CACNA1D: variants seen among roughly 807,000 people sequenced by gnomAD.
CACNA1D encodes the protein calcium voltage-gated channel subunit alpha1 D.
Under a neutral mutation model 257.1 loss-of-function variants are expected in CACNA1D, and 55 were observed. That is an observed-to-expected ratio of 0.21 (90% confidence interval 0.17 to 0.27). The LOEUF (loss-of-function observed/expected upper bound fraction) is 0.27. Ranked by LOEUF, CACNA1D falls within the 10% of genes least tolerant of loss-of-function variation. CACNA1D has a pLI of 1.00. For missense variants in CACNA1D, 1,876 were observed against 2,784.0 expected, an observed-to-expected ratio of 0.67 and a Z score of 7.34; for synonymous variants, 980 against 1,014.9, an observed-to-expected ratio of 0.97 and a Z score of 0.65.
chr3:53,795,009 C>T (rs2095501339), intron 40 of CACNA1D, among the ~76,000 whole-genome samples: 1 of 152,200 alleles, frequency 6.6e-6, no homozygotes, highest in Non-Finnish European at 1.5e-5. Flanking sequence ...TAACTGGAGC[C>T]CTTCTCCCCC....
Position 53,774,471 on chromosome 3 carries a change from A to G in CACNA1D, c.4111-116A>G, listed in dbSNP as rs79743964. On this transcript the variant is annotated intron_variant, in intron 33 of 47. Transcript: ENST00000350061. This position sits in a 1 kb window ranked among gnomAD's most constrained non-coding sequence, Gnocchi z 4.3. Reference sequence around the variant, plus strand: ...TTTTTGAATGAGTGAAGTGCCAGGTACCATGAGAAAACCCTAGCTGGTAAA... The same window carrying G: ...TTTTTGAATGAGTGAAGTGCCAGGTGCCATGAGAAAACCCTAGCTGGTAAA... 1.4e-3 allele frequency: 1,040 copies of G among 725,118 alleles called. 7 individuals are homozygous for G. Among genetic ancestry groups the G allele is most frequent in the African/African-American group, 0.013 (787 of 58,652 alleles). The allele number at this position is 725,118 out of a possible 1,614,324, so 44.9% of individuals were successfully genotyped here.
intron 40 of CACNA1D, among the ~76,000 whole-genome samples, chr3:53,798,316 TGTGTGTGTGTGCGTGTGTGTGC>T (rs1015875045): frequency 6.8e-6 from 1 of 147,912 alleles, no homozygotes; most frequent in Non-Finnish European, 1.5e-5. Context: ...TGCGTGTGTG[TGTGTGTGTGTGCGTGTGTGTGC>T]GTGTGTGTGT....
intron 9 of CACNA1D, among the ~76,000 whole-genome samples, chr3:53,708,157 A>G (rs2094711875): frequency 6.6e-6 from 1 of 152,236 alleles, no homozygotes; most frequent in Non-Finnish European, 1.5e-5. Flanking sequence ...ACAGAAAACC[A>G]GGACGTTATA....
At chr3:53,565,195 A>G (rs762620172) in intron 3 of CACNA1D, among the ~76,000 whole-genome samples, 14 of 152,148 alleles carry the variant, frequency 9.2e-5, no homozygotes, top group Non-Finnish European at 1.3e-4. Flanking sequence ...ACTGTACTGT[A>G]TTAATTAGTA....
At chr3:53,785,158 A>G (rs2095446160) in intron 39 of CACNA1D, among the ~76,000 whole-genome samples, 1 of 152,208 alleles carries the variant, frequency 6.6e-6, no homozygotes, top group South Asian at 2.1e-4. Context: ...TGGAGAGTAC[A>G]GCGAGGGGTG....
chr3:53,552,697 C>T (rs1335489056), intron 3 of CACNA1D, among the ~76,000 whole-genome samples: 1 of 152,154 alleles, frequency 6.6e-6, no homozygotes, highest in Non-Finnish European at 1.5e-5. Context: ...CTGGTATCTT[C>T]TTTCTTTCTC....
chr3:53,662,144 G>GT (rs1559482399), intron 5 of CACNA1D, among the ~76,000 whole-genome samples: 1 of 152,174 alleles, frequency 6.6e-6, no homozygotes, highest in Admixed American at 6.5e-5. Flanking sequence ...TCTTGGAATT[G>GT]TTTAGTCCCT....
chr3:53,535,986 A>G (rs528149187), intron 3 of CACNA1D, among the ~76,000 whole-genome samples: 1 of 152,324 alleles, frequency 6.6e-6, no homozygotes, highest in South Asian at 2.1e-4. Flanking sequence ...TTCAGTAGAT[A>G]TTAGTGACAG....
chr3:53,743,478 A>G (rs552789283), intron 22 of CACNA1D, among the ~76,000 whole-genome samples: 1 of 152,184 alleles, frequency 6.6e-6, no homozygotes, highest in Non-Finnish European at 1.5e-5. Flanking sequence ...TGCCCCTTTT[A>G]TATAGGAGGG....
At chr3:53,606,038 CAA>C (rs1410691725) in intron 3 of CACNA1D, among the ~76,000 whole-genome samples, 1 of 152,144 alleles carries the variant, frequency 6.6e-6, no homozygotes, top group African/African-American at 2.4e-5. Context: ...GCCCAGGAGG[CAA>C]AGACTAGGAA....
rs6765107 is a variant in CACNA1D at position 53,802,438 on chromosome 3, G to A, written c.5435+265G>A. ...CCATGGGCTGGCTCCTGCAGGCCTC[G>A]CGATGGCACTAGGAGCATCCATTGT... is the stretch of plus-strand genomic sequence containing the variant. On this transcript the variant is annotated intron_variant, in intron 43 of 47. Coordinates refer to ENST00000350061, the MANE Select transcript of CACNA1D (RefSeq NM_001128840.3). Among the ~76,000 whole-genome samples, 6,263 of 152,286 alleles carry A rather than the reference G, an allele frequency of 0.041. 409 individuals are homozygous for A. The highest frequency in any genetic ancestry group is 0.14 in the African/African-American group (5,780 of 41,528).
At chr3:53,538,141 G>GTTGTTTTTTTT (rs2092170774) in intron 3 of CACNA1D, among the ~76,000 whole-genome samples, 3 of 90,480 alleles carry the variant, frequency 3.3e-5, no homozygotes, top group African/African-American at 1.8e-4. Context: ...AGTTTTTGAA[G>GTTGTTTTTTTT]TTTTTTTTTT....
chr3:53,666,919 G>T (rs1244436217), intron 7 of CACNA1D, among the ~76,000 whole-genome samples: 2 of 152,054 alleles, frequency 1.3e-5, no homozygotes, highest in South Asian at 2.1e-4. Flanking sequence ...ACAGGCTAAG[G>T]TTAATCATTT....
chr3:53,779,984 C>A (rs745391124), intron 37 of CACNA1D, 42 bp from the exon 38 acceptor site: 1 of 1,322,554 alleles, frequency 7.6e-7, no homozygotes. Flanking sequence ...GTCGTGGTCA[C>A]TCATTTGCAT....
chr3:53,662,879 G>A (rs1166907394), intron 5 of CACNA1D, among the ~76,000 whole-genome samples: 1 of 152,174 alleles, frequency 6.6e-6, no homozygotes, highest in African/African-American at 2.4e-5. Context: ...GCTAACTGCT[G>A]GGGGTTAGTT....
chr3:53,608,341 C>A (rs2093539696), intron 3 of CACNA1D, among the ~76,000 whole-genome samples: 2 of 152,000 alleles, frequency 1.3e-5, no homozygotes, highest in African/African-American at 2.4e-5. Context: ...ACTCTGTATC[C>A]CATAACCTTG....
chr3:53,660,884 G>T (rs950351435), intron 5 of CACNA1D, among the ~76,000 whole-genome samples: 2 of 152,194 alleles, frequency 1.3e-5, no homozygotes, highest in African/African-American at 4.8e-5. Context: ...CCCCTAACAG[G>T]ATGTCTGGAG....
chr3:53,758,640 T>C (rs932338285), intron 29 of CACNA1D, among the ~76,000 whole-genome samples: 1 of 152,342 alleles, frequency 6.6e-6, no homozygotes. Flanking sequence ...TGATTTTAAA[T>C]TTCCAGAGTC....
chr3:53,525,385 T>A (rs1228915741), intron 3 of CACNA1D, among the ~76,000 whole-genome samples: 2 of 152,212 alleles, frequency 1.3e-5, no homozygotes, highest in African/African-American at 4.8e-5. Flanking sequence ...CTCCATTTTT[T>A]AAATATGAAA....
Sources: gnomAD v4.1 joint callset for allele counts (sites outside exome capture counted in the v4.1 genomes callset) on GRCh38, gnomAD v4.1.1 for gene constraint, Gnocchi (gnomAD v3.1) non-coding constraint, MANE v1.5 for transcripts, NCBI Gene and HGNC (gene_info 2026-07-23, HGNC 2026-07-21) for gene names.